Variants in MYO1A observed in about 807,000 individuals in gnomAD.
MYO1A encodes unconventional myosin-Ia.
MYO1A carries 127 observed loss-of-function variants against 138.5 expected under a neutral mutation model. The ratio of observed to expected loss-of-function variants is 0.92; its 90% confidence interval spans 0.79 to 1.06. The LOEUF is 1.06. Among genes scored for constraint, MYO1A ranks in the 50% least tolerant of loss-of-function variants. MYO1A has a pLI of 0.00. For synonymous variants in MYO1A, 477 were observed against 497.5 expected (o/e 0.96, Z 0.55); for missense variants, 1,211 against 1,288.8 (o/e 0.94, Z 0.92).
chr12:57,039,146 G>C, intron 15 of MYO1A, 66 bp downstream of exon 15: 1 of 1,574,400 alleles, frequency 6.4e-7, no homozygotes, highest in South Asian at 1.1e-5. Flanking sequence ...CAGGGAGAGA[G>C]ACAGGGGAAG....
At position 57,029,448 on chromosome 12, in the gene MYO1A, A is replaced by C. The variant is rs1388776160; in HGVS notation, c.2864T>G (p.Leu955Trp). 6.2e-7 allele frequency: 1 copy of C among 1,614,158 alleles called. No homozygotes were observed. The highest frequency in any genetic ancestry group is 8.5e-7 in the Non-Finnish European group (1 of 1,180,010). Residue 955 changes from leucine to tryptophan, a missense_variant, in exon 26 of 28, where the codon TTG (leucine) becomes TGG (tryptophan). Coordinates refer to ENST00000300119, the MANE Select transcript of MYO1A (RefSeq NM_005379.4). ...VTSLKDGLFS[L>W]HLSEMSSVGS... ...CAGCTCTGATACCTCACTCAGATGC[A>C]AGCTAAAGAGCCCATCCTTGAGGCT...
intron 22 of MYO1A, among the ~76,000 whole-genome samples, chr12:57,031,619 GA>G (rs2030292280): frequency 6.6e-6 from 1 of 152,156 alleles, no homozygotes; most frequent in Admixed American, 6.5e-5. Context: ...CCATTCAAAG[GA>G]AGAAGGAGCA....
chr12:57,036,961 G>C lies in MYO1A; in HGVS notation c.2186C>G (p.Ser729Cys). 6.2e-7 allele frequency: 1 copy of C among 1,614,186 alleles called. No individual in the cohort carries two copies. The highest frequency in any genetic ancestry group is 8.5e-7 in the Non-Finnish European group (1 of 1,180,030). The change falls in exon 20 of 28, where the codon TCT becomes TGT. Residue 729 changes from serine (S) to cysteine (C), a missense_variant. Coordinates refer to ENST00000300119, the MANE Select transcript of MYO1A (RefSeq NM_005379.4). The stretch of plus-strand genomic sequence containing the variant: ...CCGTACCATGTTTCCCCGAAACCAA[G>C]AGGAGATGAGGATCTGACTCTTTCG... ...LMRKSQILISSWFRGNMQKKC... is the reference protein window; with the variant it reads ...LMRKSQILISCWFRGNMQKKC...
In MYO1A at chr12:57,028,844, T is replaced by C. The variant is rs748612876; in HGVS notation, c.3043A>G (p.Lys1015Glu). Reference protein sequence around the residue: ...VRFKENSVAVKVVQGPAGGDN... With the variant: ...VRFKENSVAVEVVQGPAGGDN... Reference sequence around the variant, plus strand: ...CCACCTGCAGGGCCCTGGACGACCTTGACAGCCACACTGTTCTCCTTGAAC... The same window carrying C: ...CCACCTGCAGGGCCCTGGACGACCTCGACAGCCACACTGTTCTCCTTGAAC... Residue 1015 changes from lysine to glutamate, a missense_variant, in exon 28 of 28, where the codon AAG (lysine) becomes GAG (glutamate). Physicochemically the swap from Lys to Glu is moderately conservative, Grantham distance 56 (BLOSUM62 1). Transcript: ENST00000300119. 1 of 1,613,952 alleles carries C rather than the reference T, an allele frequency of 6.2e-7. No individual in the cohort carries two copies. The highest frequency in any genetic ancestry group is 8.5e-7 in the Non-Finnish European group (1 of 1,179,958).
intron 22 of MYO1A, 40 bp from the exon 23 acceptor site, chr12:57,031,214 A>AAACACTTG: frequency 1.2e-6 from 2 of 1,613,378 alleles, no homozygotes; most frequent in South Asian, 2.2e-5. Context: ...GAGTGATAAG[A>AAACACTTG]AACACTTCCT....
rs55985817 is a variant in MYO1A at position 57,029,733 on chromosome 12, C to T, written c.2724+7G>A. ...CTGCGGGAGGAGTTCAGCCTGCAGG[C>T]CCTTACCTTGCCATTGCCACGATTG... On this transcript the variant is annotated splice_region_variant and intron_variant, in intron 25 of 27. Coordinates refer to ENST00000300119, the MANE Select transcript of MYO1A (RefSeq NM_005379.4). The T allele has an allele frequency of 9.9e-4, 1,599 of 1,614,204 alleles. 5 individuals carry two copies. The highest frequency in any genetic ancestry group is 8.3e-3 in the Middle Eastern group (50 of 6,048).
rs755064356 is a variant in MYO1A at position 57,038,576 on chromosome 12, C to T, written c.1596G>A (p.Leu532=). 4 of 1,614,090 alleles carry T rather than the reference C, an allele frequency of 2.5e-6. No homozygotes were observed. The African/African-American group carries it at 4.0e-5, about 16-fold the overall frequency. Residue 532 remains leucine, a synonymous_variant, in exon 17 of 28, where the codon TTG becomes TTA. Transcript: ENST00000300119. The part of the protein sequence containing the change: ...KNNDLLFRDL[L]QAMWKAQHPL... ...GGTGCTGGGCCTTCCACATGGCCTG[C>T]AACAGGTCTCGGAAGAGTAGGTCAT... is the stretch of plus-strand genomic sequence containing the variant.
At chr12:57,031,388 C>T (rs1413421961) in intron 22 of MYO1A, among the ~76,000 whole-genome samples, 1 of 152,146 alleles carries the variant, frequency 6.6e-6, no homozygotes, top group Non-Finnish European at 1.5e-5. Flanking sequence ...GAATAGGAGA[C>T]TGGAGGGAGA....
rs1359301933 is a variant in MYO1A, at chr12:57,037,853, C to T, written c.1961+16G>A. The T allele has an allele frequency of 2.0e-5, 32 of 1,613,266 alleles. No individual in the cohort carries two copies. The highest frequency in any genetic ancestry group is 2.6e-5 in the Non-Finnish European group (31 of 1,179,548). On this transcript the variant is annotated intron_variant, in intron 18 of 27. Transcript: ENST00000300119. ...ACTGCCCTTTCCTGATGCCCAGTCT[C>T]CCCATGGGGTCTTACCGGTCTCCCC...
intron 14 of MYO1A, among the ~76,000 whole-genome samples, chr12:57,040,398 A>G (rs935499755): frequency 6.6e-6 from 1 of 152,176 alleles, no homozygotes; most frequent in African/African-American, 2.4e-5. Context: ...AAGGAAGCCC[A>G]TGTTGGTTGC....
rs765748687 is a variant in MYO1A at position 57,043,092 on chromosome 12, G to A, written c.1078C>T (p.Arg360Ter). 5.3e-5 allele frequency: 86 copies of A among 1,614,018 alleles called. No homozygotes were observed. Among genetic ancestry groups the A allele is most frequent in the Non-Finnish European group, 6.9e-5 (82 of 1,180,036 alleles). The change falls in exon 12 of 28, where the codon CGA becomes TGA. Residue 360 changes from arginine to a stop codon, truncating the protein, a stop_gained. Coordinates refer to ENST00000300119, the MANE Select transcript of MYO1A (RefSeq NM_005379.4). LOFTEE classifies it high-confidence loss of function. ...CTTGCCTTGATGCTCTCATTGATTC[G>A]ATTCACTATCCAGTCAAAGAGGCGG... ...YSRLFDWIVN[R>*]INESIKVGIG...
At chr12:57,047,774 T>C in intron 3 of MYO1A, 53 bp from the exon 4 acceptor site, 1 of 1,608,522 alleles carries the variant, frequency 6.2e-7, no homozygotes. Context: ...CAAGACACCA[T>C]CTTTCACTCA....
In MYO1A at chr12:57,028,788, C is replaced by CA; in HGVS notation, c.3098_3099insT (p.Lys1033AsnfsTer26). ...CAGTCACCTCCAAGCAATGACTCCC[C>CA]TTTTTTTTGTAGCGTAGCTTGCTGT... On this transcript the variant is annotated frameshift_variant, in exon 28 of 28. Coordinates refer to ENST00000300119, the MANE Select transcript of MYO1A (RefSeq NM_005379.4). LOFTEE classifies it high-confidence loss of function. 1 of 1,613,242 alleles carries CA rather than the reference C, an allele frequency of 6.2e-7. No homozygotes were observed. The highest frequency in any genetic ancestry group is 8.5e-7 in the Non-Finnish European group (1 of 1,179,436).
At chr12:57,037,679 C>G (rs756691565) in intron 18 of MYO1A, 38 bp from the exon 19 acceptor site, 3 of 1,593,426 alleles carry the variant, frequency 1.9e-6, no homozygotes, top group East Asian at 4.5e-5. Flanking sequence ...AGAGGGGTAT[C>G]TCAGGAGAAA....
chr12:57,030,102 G>A (rs2030202552), intron 24 of MYO1A, 108 bp downstream of exon 24: 3 of 1,264,010 alleles, frequency 2.4e-6, no homozygotes, highest in Non-Finnish European at 3.5e-6. Flanking sequence ...TCTGAGGAGG[G>A]ACACAGCACC....
chr12:57,029,549 C>T lies in MYO1A; in HGVS notation c.2763G>A (p.Val921=). Residue 921 remains valine, a synonymous_variant, in exon 26 of 28, where the codon GTG becomes GTA. Coordinates refer to ENST00000300119, the MANE Select transcript of MYO1A (RefSeq NM_005379.4). ...SRILLLTKGH[V]ILTDTKKSQA... is the part of the protein sequence containing the mutation. ...GGGACTTCTTGGTGTCTGTGAGAAT[C>T]ACATGGCCCTTGGTCAGGAGGAGAA... 6.2e-7 allele frequency: 1 copy of T among 1,614,234 alleles called. No homozygotes were observed. The highest frequency in any genetic ancestry group is 8.5e-7 in the Non-Finnish European group (1 of 1,180,042).
chr12:57,030,766 G>T (rs186099579), intron 23 of MYO1A, among the ~76,000 whole-genome samples: 51 of 152,292 alleles, frequency 3.3e-4, no homozygotes, highest in African/African-American at 1.2e-3. Context: ...GGGAGAATAG[G>T]GGGTTATTGC....
intron 14 of MYO1A, among the ~76,000 whole-genome samples, chr12:57,040,519 C>G (rs568117856): frequency 6.6e-6 from 1 of 152,244 alleles, no homozygotes; most frequent in South Asian, 2.1e-4. Flanking sequence ...TATTATGTAT[C>G]TGATCATTTA....
Position 57,029,419 on chromosome 12 carries a change from C to T in MYO1A, c.2877+16G>A. The T allele has an allele frequency of 6.2e-7, 1 of 1,614,102 alleles. No homozygotes were observed. Among genetic ancestry groups the T allele is most frequent in the Non-Finnish European group, 8.5e-7 (1 of 1,179,964 alleles). On this transcript the variant is annotated intron_variant, in intron 26 of 27. Transcript: ENST00000300119. Reference sequence around the variant, plus strand: ...ACCTTCTCCAGTCCAAGGCTTGCCCCACCCAGCTCTGATACCTCACTCAGA... The same window carrying T: ...ACCTTCTCCAGTCCAAGGCTTGCCCTACCCAGCTCTGATACCTCACTCAGA...
Sources: allele counts gnomAD v4.1 joint callset (sites outside exome capture counted in the v4.1 genomes callset), GRCh38; gene constraint gnomAD v4.1.1; transcripts MANE v1.5; gene names NCBI Gene and HGNC (gene_info 2026-07-23, HGNC 2026-07-21).